ARHGEF38: variants seen among roughly 807,000 people sequenced by gnomAD.
ARHGEF38 encodes Rho guanine nucleotide exchange factor (GEF) 38.
ARHGEF38 carries 79 observed loss-of-function variants against 79.9 expected under a neutral mutation model. The ratio of observed to expected loss-of-function variants is 0.99; its 90% confidence interval spans 0.82 to 1.19. The LOEUF (loss-of-function observed/expected upper bound fraction) is 1.19. Among genes scored for constraint, ARHGEF38 ranks in the 50% most tolerant of loss-of-function variants. ARHGEF38 has a pLI of 0.00. For synonymous variants in ARHGEF38, 366 were observed against 328.3 expected (o/e 1.11, Z -1.24); for missense variants, 962 against 907.2 (o/e 1.06, Z -0.78).
chr4:105,571,321 C>CTTTTT (rs34707064), intron 1 of ARHGEF38, among the ~76,000 whole-genome samples: 1 of 89,750 alleles, frequency 1.1e-5, no homozygotes, highest in Non-Finnish European at 2.2e-5. Flanking sequence ...TTTTCTTTTT[C>CTTTTT]TTTTTTTTTT....
At chr4:105,589,101 T>G (rs1399810691) in intron 1 of ARHGEF38, 147 bp from the exon 2 acceptor site, 2 of 564,656 alleles carry the variant, frequency 3.5e-6, no homozygotes, top group African/African-American at 3.8e-5. Context: ...TGTAGGGGAA[T>G]GTCCATATAT....
intron 1 of ARHGEF38, among the ~76,000 whole-genome samples, chr4:105,571,998 A>T (rs962741581): frequency 1.2e-4 from 18 of 152,360 alleles, no homozygotes; most frequent in South Asian, 2.1e-4. Flanking sequence ...GGATATCATT[A>T]ACTATGAAGG....
chr4:105,659,745 G>T (rs1016598020), intron 10 of ARHGEF38, among the ~76,000 whole-genome samples: 1 of 152,000 alleles, frequency 6.6e-6, no homozygotes, highest in African/African-American at 2.4e-5. Context: ...TTTAAGATGT[G>T]GCTCTAAAAA....
chr4:105,553,989 G>A (rs922697895), intron 1 of ARHGEF38, among the ~76,000 whole-genome samples: 3 of 151,828 alleles, frequency 2.0e-5, no homozygotes, highest in Non-Finnish European at 2.9e-5. Context: ...AGTTAAATAA[G>A]TTAAATTAAA....
chr4:105,642,195 C>A (rs1447100), intron 5 of ARHGEF38, among the ~76,000 whole-genome samples: 49,140 of 151,750 alleles, frequency 0.32, 10,901 homozygotes, highest in African/African-American at 0.63. Flanking sequence ...GTATTATTAT[C>A]TTATAACACT....
chr4:105,598,480 T>G (rs1391316198), intron 2 of ARHGEF38, among the ~76,000 whole-genome samples: 1 of 152,190 alleles, frequency 6.6e-6, no homozygotes, highest in Non-Finnish European at 1.5e-5. Context: ...GAAATATACC[T>G]GCCTTTCTCA....
rs1725561691 is a variant in ARHGEF38, at chr4:105,561,444, A to AGAATAGAATAGAATAGAATG, written c.196+8487_196+8488insAGAATAGAATAGAATGGAAT. The AGAATAGAATAGAATAGAATG allele has an allele frequency of 1.6e-4, 7 of 43,014 alleles. 1 individual carries two copies. The highest frequency in any genetic ancestry group is 1.5e-3 in the South Asian group (2 of 1,356). The allele number at this position is 43,014 out of a possible 1,614,324, so 2.7% of individuals were successfully genotyped here. A position where few individuals can be genotyped will look rare whatever the true frequency, so the allele number is the denominator to read the frequency against. On this transcript the variant is annotated intron_variant, in intron 1 of 13. Transcript: ENST00000420470. ...AGAATGGAATAGAATAGAATAGAATAGAATGGAATAGAATAGAATAGAATA... is the reference window on the plus strand; with the variant it reads ...AGAATGGAATAGAATAGAATAGAATAGAATAGAATAGAATAGAATGGAATGGAATAGAATAGAATAGAATA...
intron 1 of ARHGEF38, among the ~76,000 whole-genome samples, chr4:105,574,713 G>A (rs1267520510): frequency 6.6e-6 from 1 of 151,964 alleles, no homozygotes; most frequent in Non-Finnish European, 1.5e-5. Context: ...TCCCTTGTTT[G>A]TTGGATTAAA....
chr4:105,589,967 A>C (rs1170072361), intron 2 of ARHGEF38, among the ~76,000 whole-genome samples: 2 of 151,336 alleles, frequency 1.3e-5, no homozygotes, highest in African/African-American at 2.4e-5. Flanking sequence ...TGAACCCGGG[A>C]GACAGAGGTT....
chr4:105,677,867 G>A lies in ARHGEF38; in HGVS notation c.2264G>A (p.Trp755Ter). Residue 755 changes from tryptophan (W) to a stop codon, truncating the protein, a stop_gained, in exon 14 of 14, where the codon TGG becomes TAG. Coordinates refer to ENST00000420470, the MANE Select transcript of ARHGEF38 (RefSeq NM_001242729.2). LOFTEE classifies it high-confidence loss of function. Reference protein sequence around the residue: ...FCDLSGNKEWWLAEAQGQKGY... With the variant: ...FCDLSGNKEW ...GACCTAAGTGGCAATAAAGAGTGGT[G>A]GTTAGCTGAAGCTCAAGGGCAGAAA... The A allele has an allele frequency of 6.5e-7, 1 of 1,535,014 alleles. No homozygotes were observed. Among genetic ancestry groups the A allele is most frequent in the Non-Finnish European group, 8.7e-7 (1 of 1,146,116 alleles).
intron 9 of ARHGEF38, among the ~76,000 whole-genome samples, chr4:105,656,443 A>C (rs562744594): frequency 6.6e-6 from 1 of 152,248 alleles, no homozygotes; most frequent in African/African-American, 2.4e-5. Context: ...TTTAAGAGTC[A>C]TATGTTATTT....
intron 2 of ARHGEF38, 119 bp downstream of exon 2, chr4:105,589,554 C>G: frequency 1.1e-6 from 1 of 870,550 alleles, no homozygotes; most frequent in Non-Finnish European, 1.7e-6. Flanking sequence ...CCCAAAACAG[C>G]ACTGTTCTCA....
At chr4:105,643,460 G>A (rs1729705803) in intron 5 of ARHGEF38, among the ~76,000 whole-genome samples, 1 of 152,078 alleles carries the variant, frequency 6.6e-6, no homozygotes, top group South Asian at 2.1e-4. Context: ...CTTTGGGTTT[G>A]CTTTAGTCTT....
intron 7 of ARHGEF38, among the ~76,000 whole-genome samples, chr4:105,653,308 A>C (rs917076551): frequency 6.6e-6 from 1 of 152,014 alleles, no homozygotes; most frequent in Non-Finnish European, 1.5e-5. Context: ...TGAGTTGATA[A>C]AGAATTTTCA....
At chr4:105,565,574 G>A (rs1304560629) in intron 1 of ARHGEF38, among the ~76,000 whole-genome samples, 1 of 152,140 alleles carries the variant, frequency 6.6e-6, no homozygotes, top group Admixed American at 6.5e-5. Context: ...TTATGGGTGG[G>A]TGTTTGCACT....
intron 1 of ARHGEF38, among the ~76,000 whole-genome samples, chr4:105,587,432 T>G (rs1041295548): frequency 1.3e-5 from 2 of 152,208 alleles, no homozygotes; most frequent in Non-Finnish European, 2.9e-5. Flanking sequence ...TTATCTGTTC[T>G]TATATAGCTC....
intron 3 of ARHGEF38, among the ~76,000 whole-genome samples, chr4:105,619,349 A>G (rs989992450): frequency 1.3e-5 from 2 of 151,938 alleles, no homozygotes; most frequent in African/African-American, 2.4e-5. Context: ...GGTCCTTGTC[A>G]GCTGGCCAGC....
intron 5 of ARHGEF38, among the ~76,000 whole-genome samples, chr4:105,644,041 A>ATT (rs914176903): frequency 1.3e-5 from 2 of 150,782 alleles, no homozygotes; most frequent in African/African-American, 4.9e-5. Flanking sequence ...TAACTTTTGT[A>ATT]TTTTTTTCTA....
chr4:105,679,935 G>A lies in ARHGEF38; in HGVS notation c.*1998G>A. ...AAAACTTTATAATTACCTCTCTGAA[G>A]CCTTTTAGTGTAATTTCTCTTTGTG... On this transcript the variant is annotated 3_prime_UTR_variant, in exon 14 of 14. Coordinates refer to ENST00000420470, the MANE Select transcript of ARHGEF38 (RefSeq NM_001242729.2). The A allele has an allele frequency of 7.2e-7, 1 of 1,381,544 alleles. No homozygotes were observed. Among genetic ancestry groups the A allele is most frequent in the Non-Finnish European group, 1.0e-6 (1 of 972,950 alleles). 85.6% of individuals were successfully genotyped at this position (1,381,544 alleles called of 1,614,324 possible). A position where few individuals can be genotyped will look rare whatever the true frequency, so the allele number is the denominator to read the frequency against.
Sources: gnomAD v4.1 joint callset for allele counts (sites outside exome capture counted in the v4.1 genomes callset) on GRCh38, gnomAD v4.1.1 for gene constraint, MANE v1.5 for transcripts, NCBI Gene and HGNC (gene_info 2026-07-23, HGNC 2026-07-21) for gene names.